CNTNAP2: variants seen among roughly 807,000 people sequenced by gnomAD.
CNTNAP2 encodes the protein contactin-associated protein-like 2.
In CNTNAP2, 98 loss-of-function variants were observed where a neutral mutation model predicts 155.2. That is an observed-to-expected ratio of 0.63 (90% CI 0.54 to 0.75). CNTNAP2 has a LOEUF of 0.75. Among genes scored for constraint, CNTNAP2 ranks in the 30% least tolerant of loss-of-function variants. The pLI is 0.00. For missense variants in CNTNAP2, 1,727 were observed against 1,688.1 expected (o/e 1.02, Z -0.40); for synonymous variants, 651 against 631.2 (o/e 1.03, Z -0.47).
intron 9 of CNTNAP2, among the ~76,000 whole-genome samples, chr7:147,310,665 T>C (rs554064378): frequency 3.2e-4 from 48 of 152,200 alleles, no homozygotes; most frequent in Non-Finnish European, 6.2e-4. Context: ...GTTGATTTTA[T>C]TGTGCTTTAA....
intron 1 of CNTNAP2, among the ~76,000 whole-genome samples, chr7:146,682,709 A>C (rs1211457115): frequency 6.6e-6 from 1 of 152,246 alleles, no homozygotes; most frequent in Non-Finnish European, 1.5e-5. Context: ...TACACCTAGA[A>C]GAAAAAAGAT....
intron 1 of CNTNAP2, among the ~76,000 whole-genome samples, chr7:146,696,073 C>T (rs1585046425): frequency 6.6e-6 from 1 of 151,862 alleles, no homozygotes; most frequent in Non-Finnish European, 1.5e-5. Flanking sequence ...GGAAGTATTC[C>T]CTGTGTTTAT....
intron 21 of CNTNAP2, among the ~76,000 whole-genome samples, chr7:148,379,955 G>C (rs1489568716): frequency 1.3e-5 from 2 of 152,152 alleles, no homozygotes; most frequent in Non-Finnish European, 2.9e-5. Flanking sequence ...CATCGCAAAT[G>C]GAGTTGCTGC....
At chr7:147,865,417 G>A (rs773799966) in intron 13 of CNTNAP2, among the ~76,000 whole-genome samples, 13 of 152,216 alleles carry the variant, frequency 8.5e-5, no homozygotes, top group South Asian at 8.3e-4. Flanking sequence ...GCCAGCCTTC[G>A]GTATCAGGAT....
At chr7:147,476,883 A>G (rs9632634) in intron 10 of CNTNAP2, among the ~76,000 whole-genome samples, 89,002 of 150,184 alleles carry the variant, frequency 0.59, 26,978 homozygotes, top group African/African-American at 0.72. Context: ...AGCTGAGATC[A>G]TCCCACTGCT....
At chr7:146,301,447 ACC>A (rs756689225) in intron 1 of CNTNAP2, among the ~76,000 whole-genome samples, 9 of 151,608 alleles carry the variant, frequency 5.9e-5, no homozygotes, top group Non-Finnish European at 1.3e-4. Context: ...ACATGGTGAA[ACC>A]CCATCTCTAC....
At chr7:147,860,068 G>A (rs1237530715) in intron 13 of CNTNAP2, among the ~76,000 whole-genome samples, 7 of 152,046 alleles carry the variant, frequency 4.6e-5, no homozygotes, top group Non-Finnish European at 7.4e-5. Flanking sequence ...TGGGTCATGG[G>A]GGCGGTTTCC....
chr7:147,794,827 A>AT (rs1030156964), intron 13 of CNTNAP2, among the ~76,000 whole-genome samples: 79 of 151,198 alleles, frequency 5.2e-4, no homozygotes, highest in African/African-American at 1.7e-3. Flanking sequence ...GGTAGTTTGT[A>AT]TTTTTTTAGG....
intron 3 of CNTNAP2, among the ~76,000 whole-genome samples, chr7:146,928,290 A>C (rs879912941): frequency 6.6e-6 from 1 of 152,190 alleles, no homozygotes; most frequent in Non-Finnish European, 1.5e-5. Flanking sequence ...TTTACTTACT[A>C]ACATTTCTCT....
intron 14 of CNTNAP2, among the ~76,000 whole-genome samples, chr7:147,938,964 G>A (rs1800665869): frequency 6.6e-6 from 1 of 151,984 alleles, no homozygotes; most frequent in Non-Finnish European, 1.5e-5. Flanking sequence ...TTTATTCACA[G>A]CTTTCAATAT....
rs373091030 is a variant in CNTNAP2 at position 148,397,859 on chromosome 7, A to T, written c.3716-11532A>T. Among the ~76,000 whole-genome samples the T allele has an allele frequency of 1.2e-4, 19 of 152,334 alleles. 1 individual carries two copies. Among genetic ancestry groups the T allele is most frequent in the African/African-American group, 4.6e-4 (19 of 41,568 alleles). Reference sequence around the variant, plus strand: ...CTCCTTGATGGCCATTTGCCATTTCACCTGTCAGGAAGCAAAACTAGTTGT... The same window carrying T: ...CTCCTTGATGGCCATTTGCCATTTCTCCTGTCAGGAAGCAAAACTAGTTGT... On this transcript the variant is annotated intron_variant, in intron 22 of 23. Coordinates refer to ENST00000361727, the MANE Select transcript of CNTNAP2 (RefSeq NM_014141.6).
chr7:148,316,971 G>A (rs1043505877), intron 21 of CNTNAP2, among the ~76,000 whole-genome samples: 13 of 152,256 alleles, frequency 8.5e-5, no homozygotes, highest in Admixed American at 1.3e-4. Context: ...GAAGCCCCAC[G>A]GGGTCATTAA....
At chr7:146,624,498 C>T (rs1273851878) in intron 1 of CNTNAP2, among the ~76,000 whole-genome samples, 5 of 151,922 alleles carry the variant, frequency 3.3e-5, no homozygotes, top group African/African-American at 1.2e-4. Flanking sequence ...TTCAACAAAG[C>T]AGAAAGATTA....
At chr7:146,929,553 C>G (rs992324739) in intron 3 of CNTNAP2, among the ~76,000 whole-genome samples, 1 of 152,182 alleles carries the variant, frequency 6.6e-6, no homozygotes, top group Non-Finnish European at 1.5e-5. Flanking sequence ...CAAAGGCACG[C>G]AGTTCCTCAC....
intron 15 of CNTNAP2, among the ~76,000 whole-genome samples, chr7:148,040,512 A>T (rs978057980): frequency 2.0e-5 from 3 of 152,206 alleles, no homozygotes; most frequent in Non-Finnish European, 4.4e-5. Context: ...TCAAGAAATG[A>T]CATGAACAAT....
chr7:146,837,929 C>T (rs1348132646), intron 2 of CNTNAP2, among the ~76,000 whole-genome samples: 4 of 152,166 alleles, frequency 2.6e-5, no homozygotes, highest in Non-Finnish European at 5.9e-5. Context: ...TTATTGTTGA[C>T]TTCAGAACTC....
At chr7:147,985,380 A>G (rs1377061234) in intron 15 of CNTNAP2, among the ~76,000 whole-genome samples, 1 of 119,444 alleles carries the variant, frequency 8.4e-6, no homozygotes, top group Non-Finnish European at 1.8e-5. Flanking sequence ...ATTTAATCTG[A>G]CTCTTGGGAG....
At chr7:146,514,750 G>T (rs1797516595) in intron 1 of CNTNAP2, among the ~76,000 whole-genome samples, 3 of 151,880 alleles carry the variant, frequency 2.0e-5, no homozygotes, top group Non-Finnish European at 4.4e-5. Context: ...GGTGGCCACG[G>T]TTGTGTTGTT....
intron 3 of CNTNAP2, among the ~76,000 whole-genome samples, chr7:146,878,895 T>A (rs889283026): frequency 6.6e-6 from 1 of 152,174 alleles, no homozygotes; most frequent in African/African-American, 2.4e-5. Flanking sequence ...CTCTAACCCC[T>A]TATTTTGTTT....
Sources: gnomAD v4.1 joint callset for allele counts (sites outside exome capture counted in the v4.1 genomes callset) on GRCh38, gnomAD v4.1.1 for gene constraint, MANE v1.5 for transcripts, NCBI Gene and HGNC (gene_info 2026-07-23, HGNC 2026-07-21) for gene names.